The following CTNNA2 variants were observed in gnomAD, a reference collection of about 807,000 sequenced individuals.
CTNNA2 encodes the protein catenin alpha 2.
A neutral mutation model predicts 101.0 loss-of-function variants in CTNNA2; 42 were observed. The ratio of observed to expected loss-of-function variants is 0.42; its 90% CI spans 0.32 to 0.54. CTNNA2 has a LOEUF of 0.54. CTNNA2 is among the 20% of genes least tolerant of loss of function. CTNNA2 has a pLI of 0.14. For synonymous variants in CTNNA2, 450 were observed against 456.4 expected (o/e 0.99, Z 0.18); for missense variants, 871 against 1,223.1 (o/e 0.71, Z 4.29).
intron 7 of CTNNA2, among the ~76,000 whole-genome samples, chr2:80,258,963 C>T (rs1251602462): frequency 6.6e-6 from 1 of 152,082 alleles, no homozygotes; most frequent in Non-Finnish European, 1.5e-5. Flanking sequence ...AGGAGGCCCC[C>T]ATTTAAAAAG....
intron 1 of CTNNA2, among the ~76,000 whole-genome samples, chr2:79,187,670 T>G (rs1271944519): frequency 6.6e-6 from 1 of 152,192 alleles, no homozygotes; most frequent in Admixed American, 6.5e-5. Context: ...TACACCAGAA[T>G]CATTGTAGCA....
intron 1 of CTNNA2, among the ~76,000 whole-genome samples, chr2:79,589,842 T>C (rs1395606618): frequency 6.6e-6 from 1 of 152,180 alleles, no homozygotes; most frequent in Admixed American, 6.5e-5. Flanking sequence ...AGGTGTCTTC[T>C]AACTTCTCTC....
chr2:80,605,029 A>G (rs1163939380), intron 16 of CTNNA2: 1 of 152,058 alleles, frequency 6.6e-6, no homozygotes. Context: ...GGATTATTCC[A>G]CATGATCAAG....
chr2:79,394,498 G>A (rs553738568), intron 4 of CTNNA2, among the ~76,000 whole-genome samples: 1 of 152,218 alleles, frequency 6.6e-6, no homozygotes, highest in East Asian at 1.9e-4. Flanking sequence ...GAGGGAGAAA[G>A]AAGGAATGAG....
At chr2:80,567,189 G>C (rs1197306945) in intron 12 of CTNNA2, among the ~76,000 whole-genome samples, 2 of 152,100 alleles carry the variant, frequency 1.3e-5, no homozygotes, top group Non-Finnish European at 2.9e-5. Context: ...CCGTGTAGGG[G>C]TGAATTGGGG....
At chr2:80,389,100 A>G (rs2149360647) in intron 7 of CTNNA2, among the ~76,000 whole-genome samples, 1 of 152,356 alleles carries the variant, frequency 6.6e-6, no homozygotes, top group South Asian at 2.1e-4. Context: ...GCCTGGATGG[A>G]GAAAGCAGAA....
In CTNNA2 at chr2:80,596,296, T is replaced by G. The variant is rs1354535655; in HGVS notation, c.2189+6811T>G. The stretch of plus-strand genomic sequence containing the variant: ...ACAAGGTTGTTTTTTTTTTTTTTTT[T>G]TTTTTTTTTTTTTTTTTTTTTTTTT... On this transcript the variant is annotated intron_variant, in intron 15 of 18. Transcript: ENST00000402739. 3.0e-4 allele frequency among the ~76,000 whole-genome samples: 15 copies of G among 49,198 alleles called. No homozygotes were observed. In the South Asian group the frequency reaches 0.015, roughly 48 times the overall value. The allele number at this position is 49,198 out of a possible 152,430, so 32.3% of individuals were successfully genotyped here. A position where few individuals can be genotyped will look rare whatever the true frequency, so the allele number is the denominator to read the frequency against.
At chr2:79,807,395 A>G (rs1676661047) in intron 3 of CTNNA2, among the ~76,000 whole-genome samples, 1 of 152,068 alleles carries the variant, frequency 6.6e-6, no homozygotes, top group Non-Finnish European at 1.5e-5. Context: ...TTTTTGCTAA[A>G]TTAGCCTTTT....
chr2:79,604,477 A>G (rs1677755808), intron 1 of CTNNA2, among the ~76,000 whole-genome samples: 1 of 152,280 alleles, frequency 6.6e-6, no homozygotes, highest in Admixed American at 6.5e-5. Flanking sequence ...CTTGAGTTGA[A>G]GAACTGAGTT....
intron 4 of CTNNA2, among the ~76,000 whole-genome samples, chr2:79,501,996 C>T (rs867089512): frequency 1.4e-5 from 2 of 147,696 alleles, no homozygotes; most frequent in African/African-American, 5.0e-5. Flanking sequence ...GTTCAAGGCC[C>T]TGCAATTACC....
intron 1 of CTNNA2, among the ~76,000 whole-genome samples, chr2:79,560,820 T>C (rs1481186076): frequency 1.3e-5 from 2 of 151,954 alleles, no homozygotes; most frequent in Non-Finnish European, 2.9e-5. Context: ...TGACTCAACC[T>C]CAGAGATTGT....
At chr2:80,191,023 G>A (rs1046108045) in intron 7 of CTNNA2, among the ~76,000 whole-genome samples, 1 of 152,062 alleles carries the variant, frequency 6.6e-6, no homozygotes, top group Admixed American at 6.5e-5. Flanking sequence ...TGACCGCTAG[G>A]GTCTTATATG....
intron 7 of CTNNA2, among the ~76,000 whole-genome samples, chr2:80,217,975 G>T (rs79488910): frequency 0.029 from 4,463 of 152,300 alleles, 232 homozygotes; most frequent in African/African-American, 0.1. Context: ...AACTCATTAT[G>T]ATGTATCCTC....
At chr2:80,591,482 A>G (rs929700164) in intron 15 of CTNNA2, among the ~76,000 whole-genome samples, 7 of 54,806 alleles carry the variant, frequency 1.3e-4, no homozygotes, top group Non-Finnish European at 3.2e-4. Flanking sequence ...TTTTTTTGCA[A>G]ACAGACAGCT....
At chr2:79,950,012 A>G (rs57172846) in intron 7 of CTNNA2, among the ~76,000 whole-genome samples, 3 of 152,306 alleles carry the variant, frequency 2.0e-5, no homozygotes, top group African/African-American at 7.2e-5. Flanking sequence ...GTGACTGAAA[A>G]TGTACATGGA....
At chr2:79,332,175 G>A (rs1429893544) in intron 3 of CTNNA2, among the ~76,000 whole-genome samples, 1 of 152,008 alleles carries the variant, frequency 6.6e-6, no homozygotes, top group African/African-American at 2.4e-5. Flanking sequence ...CCAAAGGCTT[G>A]TGAATAAAAG....
In CTNNA2 at chr2:79,978,296, G is replaced by A. The variant is rs550506348; in HGVS notation, c.1056+68499G>A. Among the ~76,000 whole-genome samples, 10 of 152,258 alleles carry A rather than the reference G, an allele frequency of 6.6e-5. No individual in the cohort carries two copies. The South Asian group carries it at 1.5e-3, about 22-fold the overall frequency. The stretch of plus-strand genomic sequence containing the variant: ...GCTCTGCCACAGTTATTCATCAGGA[G>A]AGCCCTGGCTTTCGACATCGGCCAC... On this transcript the variant is annotated intron_variant, in intron 7 of 18. Coordinates refer to ENST00000402739, the MANE Select transcript of CTNNA2 (RefSeq NM_001282597.3).
intron 4 of CTNNA2, among the ~76,000 whole-genome samples, chr2:79,474,902 C>A (rs449552): frequency 0.32 from 48,257 of 151,910 alleles, 7,788 homozygotes; most frequent in South Asian, 0.44. Flanking sequence ...TAATCCTGCT[C>A]CAGGGTATAG....
chr2:79,282,658 T>C (rs1056277688), intron 2 of CTNNA2, among the ~76,000 whole-genome samples: 6 of 144,356 alleles, frequency 4.2e-5, no homozygotes, highest in African/African-American at 1.5e-4. Context: ...AGTCTATCAT[T>C]GTTGGACATT....
Sources: gnomAD v4.1 joint callset for allele counts (sites outside exome capture counted in the v4.1 genomes callset) on GRCh38, gnomAD v4.1.1 for gene constraint, MANE v1.5 for transcripts, NCBI Gene and HGNC (gene_info 2026-07-23, HGNC 2026-07-21) for gene names.